Variants in TMPRSS12 observed in about 807,000 individuals in gnomAD.
The protein encoded by TMPRSS12 is transmembrane serine protease 12.
A neutral mutation model predicts 26.0 loss-of-function variants in TMPRSS12; 25 were observed. The observed-to-expected ratio is 0.96, with a 90% CI of 0.70 to 1.34. TMPRSS12 has a LOEUF of 1.34. Among genes scored for constraint, TMPRSS12 ranks in the 40% most tolerant of loss-of-function variants. The pLI, the probability that TMPRSS12 is intolerant of heterozygous loss-of-function variation, is 0.00. For synonymous variants in TMPRSS12, 150 were observed against 161.7 expected (o/e 0.93, Z 0.55); for missense variants, 441 against 440.1 (o/e 1.00, Z -0.02).
chr12:50,866,898 G>A (rs532142644), intron 3 of TMPRSS12, among the ~76,000 whole-genome samples: 14 of 152,210 alleles, frequency 9.2e-5, no homozygotes, highest in South Asian at 2.1e-4. Flanking sequence ...GCTGCAGCTC[G>A]GTTCTCAGGA....
At chr12:50,852,404 C>G (rs1937834397) in intron 2 of TMPRSS12, among the ~76,000 whole-genome samples, 1 of 152,248 alleles carries the variant, frequency 6.6e-6, no homozygotes, top group Admixed American at 6.5e-5. Context: ...TTATTTTAGA[C>G]AAAATAGACT....
At position 50,842,990 on chromosome 12, in the gene TMPRSS12, C is replaced by T; in HGVS notation, c.26C>T (p.Ala9Val). The change falls in exon 1 of 5, where the codon GCG becomes GTG. Residue 9 changes from alanine (A) to valine (V), a missense_variant. Ala to Val is a moderately conservative substitution (Grantham distance 64). Coordinates refer to ENST00000398458, the MANE Select transcript of TMPRSS12 (RefSeq NM_182559.3). MRLGLLSVALLFVGSSHLY... is the reference protein window; with the variant it reads MRLGLLSVVLLFVGSSHLY... ...ATGCGGCTGGGGCTCCTGAGCGTGGCGCTGTTGTTTGTGGGGAGCTCTCAC... is the reference window on the plus strand; with the variant it reads ...ATGCGGCTGGGGCTCCTGAGCGTGGTGCTGTTGTTTGTGGGGAGCTCTCAC... 6.3e-7 allele frequency: 1 copy of T among 1,598,818 alleles called. No homozygotes were observed. The highest frequency in any genetic ancestry group is 2.3e-5 in the East Asian group (1 of 44,078).
At chr12:50,876,421 T>C (rs1231301299) in intron 3 of TMPRSS12, among the ~76,000 whole-genome samples, 3 of 152,200 alleles carry the variant, frequency 2.0e-5, no homozygotes, top group African/African-American at 4.8e-5. Context: ...ATATAAATCA[T>C]TCTACCAAAA....
intron 3 of TMPRSS12, among the ~76,000 whole-genome samples, chr12:50,866,023 T>C (rs1317947846): frequency 6.6e-6 from 1 of 152,188 alleles, no homozygotes; most frequent in Non-Finnish European, 1.5e-5. Context: ...ATTATTCAGA[T>C]TATCATGGCA....
chr12:50,887,667 A>T lies in TMPRSS12; in HGVS notation c.*154A>T. On this transcript the variant is annotated 3_prime_UTR_variant, in exon 5 of 5. Coordinates refer to ENST00000398458, the MANE Select transcript of TMPRSS12 (RefSeq NM_182559.3). The stretch of plus-strand genomic sequence containing the variant: ...GCTATAAGTATTGTGACAGATATAC[A>T]ATTGTAATTTTGGCACTGAATCACA... 1 of 936,672 alleles carries T rather than the reference A, an allele frequency of 1.1e-6. No individual in the cohort carries two copies. Among genetic ancestry groups the T allele is most frequent in the East Asian group, 2.6e-5 (1 of 38,560 alleles). The allele number at this position is 936,672 out of a possible 1,614,324, so 58.0% of individuals were successfully genotyped here. A position where few individuals can be genotyped will look rare whatever the true frequency, so the allele number is the denominator to read the frequency against.
intron 3 of TMPRSS12, among the ~76,000 whole-genome samples, chr12:50,872,128 A>C (rs1938049457): frequency 6.6e-6 from 1 of 152,222 alleles, no homozygotes; most frequent in African/African-American, 2.4e-5. Context: ...TATTCAAAAA[A>C]GAAACTTGCA....
chr12:50,869,714 C>A (rs889415569), intron 3 of TMPRSS12, among the ~76,000 whole-genome samples: 3 of 152,140 alleles, frequency 2.0e-5, no homozygotes, highest in African/African-American at 7.2e-5. Context: ...AACTACAGAC[C>A]ACTATTCCTG....
In TMPRSS12 at chr12:50,843,198, C is replaced by A. The variant is rs746042214; in HGVS notation, c.187+47C>A. On this transcript the variant is annotated intron_variant, in intron 1 of 4. Coordinates refer to ENST00000398458, the MANE Select transcript of TMPRSS12 (RefSeq NM_182559.3). ...CTCTGGGGAGCCTCTCTTACCTTTTCCCCACCGCTATAGTCTTTGAATTCG... is the reference window on the plus strand; with the variant it reads ...CTCTGGGGAGCCTCTCTTACCTTTTACCCACCGCTATAGTCTTTGAATTCG... The A allele has an allele frequency of 5.4e-6, 8 of 1,489,436 alleles. No homozygotes were observed. The South Asian group carries it at 1.1e-4, about 20-fold the overall frequency. 92.3% of individuals were successfully genotyped at this position (1,489,436 alleles called of 1,614,324 possible).
intron 3 of TMPRSS12, among the ~76,000 whole-genome samples, chr12:50,862,863 A>C (rs1053930668): frequency 2.0e-5 from 3 of 151,836 alleles, no homozygotes; most frequent in African/African-American, 4.8e-5. Context: ...AATGTGATCT[A>C]GGTAGGTTAA....
At chr12:50,872,132 A>G (rs1938049519) in intron 3 of TMPRSS12, among the ~76,000 whole-genome samples, 1 of 152,160 alleles carries the variant, frequency 6.6e-6, no homozygotes, top group Non-Finnish European at 1.5e-5. Flanking sequence ...CAAAAAAGAA[A>G]CTTGCACACG....
In TMPRSS12 at chr12:50,843,208, A is replaced by G. The variant is rs566983382; in HGVS notation, c.187+57A>G. On this transcript the variant is annotated intron_variant, in intron 1 of 4. Transcript: ENST00000398458. ...CCTCTCTTACCTTTTCCCCACCGCT[A>G]TAGTCTTTGAATTCGGGTTTCTCCT... is the stretch of plus-strand genomic sequence containing the variant. 252 of 1,446,054 alleles carry G rather than the reference A, an allele frequency of 1.7e-4. 1 individual carries two copies. In the African/African-American group the frequency reaches 3.4e-3, roughly 20 times the overall value. 89.6% of individuals were successfully genotyped at this position (1,446,054 alleles called of 1,614,324 possible).
chr12:50,859,945 G>A (rs1453802914), intron 3 of TMPRSS12, among the ~76,000 whole-genome samples: 1 of 152,166 alleles, frequency 6.6e-6, no homozygotes, highest in East Asian at 1.9e-4. Flanking sequence ...CCATGAGATT[G>A]AAAAGTATTA....
intron 3 of TMPRSS12, among the ~76,000 whole-genome samples, chr12:50,863,790 G>A (rs1389800920): frequency 1.3e-5 from 2 of 152,158 alleles, no homozygotes; most frequent in Non-Finnish European, 2.9e-5. Flanking sequence ...TTTTTGTCCT[G>A]ATGGAATAAC....
At chr12:50,859,216 T>C (rs1937911671) in intron 3 of TMPRSS12, among the ~76,000 whole-genome samples, 163 bp downstream of exon 3, 1 of 143,872 alleles carries the variant, frequency 7.0e-6, no homozygotes, top group Non-Finnish European at 1.6e-5. Context: ...ATTTTTATGG[T>C]ACCTTTTTTT....
chr12:50,877,750 C>T (rs1030805743), intron 3 of TMPRSS12, among the ~76,000 whole-genome samples: 6 of 152,152 alleles, frequency 3.9e-5, no homozygotes, highest in African/African-American at 1.4e-4. Flanking sequence ...GCTGGGATTA[C>T]AGGCATGCGC....
intron 3 of TMPRSS12, among the ~76,000 whole-genome samples, chr12:50,859,818 G>T (rs1206734037): frequency 3.9e-5 from 6 of 152,188 alleles, no homozygotes; most frequent in African/African-American, 1.4e-4. Context: ...TTATGTAAGT[G>T]CACTCTTATC....
intron 2 of TMPRSS12, among the ~76,000 whole-genome samples, chr12:50,844,633 C>T (rs1319847715): frequency 6.6e-6 from 1 of 152,096 alleles, no homozygotes; most frequent in African/African-American, 2.4e-5. Context: ...CCTCAGCCTC[C>T]CAAAGTTCTG....
intron 3 of TMPRSS12, among the ~76,000 whole-genome samples, chr12:50,861,745 G>C (rs1377679061): frequency 6.6e-6 from 1 of 151,650 alleles, no homozygotes; most frequent in East Asian, 1.9e-4. Flanking sequence ...ACTAAACGAT[G>C]AAGTCAGAAT....
intron 2 of TMPRSS12, 99 bp downstream of exon 2, chr12:50,844,136 G>C: frequency 9.5e-7 from 1 of 1,053,858 alleles, no homozygotes; most frequent in Non-Finnish European, 1.3e-6. Flanking sequence ...AGCTATGTTT[G>C]CAAATAGCCA....
Sources: gnomAD v4.1 joint callset for allele counts (sites outside exome capture counted in the v4.1 genomes callset) on GRCh38, gnomAD v4.1.1 for gene constraint, MANE v1.5 for transcripts, NCBI Gene and HGNC (gene_info 2026-07-23, HGNC 2026-07-21) for gene names.